ADAMTS9: variants seen among roughly 807,000 people sequenced by gnomAD.
The protein encoded by ADAMTS9 is ADAM metallopeptidase with thrombospondin type 1 motif 9.
A neutral mutation model predicts 257.1 loss-of-function variants in ADAMTS9; 107 were observed. The observed-to-expected ratio is 0.42, with a 90% CI of 0.36 to 0.49. ADAMTS9 has a LOEUF of 0.49. Among genes scored for constraint, ADAMTS9 ranks in the 20% least tolerant of loss-of-function variants. The probability of loss-of-function intolerance (pLI) is 0.03; values close to 1 mark genes in which losing one functional copy is unlikely to be tolerated. For synonymous variants in ADAMTS9, 982 were observed against 880.9 expected, an observed-to-expected ratio of 1.11 and a Z score of -2.03; for missense variants, 2,353 against 2,469.1, an observed-to-expected ratio of 0.95 and a Z score of 1.00.
intron 30 of ADAMTS9, among the ~76,000 whole-genome samples, chr3:64,559,528 C>G (rs1457943781): frequency 6.6e-6 from 1 of 152,216 alleles, no homozygotes; most frequent in Non-Finnish European, 1.5e-5. Flanking sequence ...AGTCTTTTCT[C>G]TTTGTGAGAA....
At position 64,633,568 on chromosome 3, in the gene ADAMTS9, T is replaced by C. The variant is rs763281887; in HGVS notation, c.2079A>G (p.Ala693=). The change falls in exon 14 of 40, where the codon GCA becomes GCG. Residue 693 remains alanine (A), a synonymous_variant. Coordinates refer to ENST00000498707, the MANE Select transcript of ADAMTS9 (RefSeq NM_182920.2). ...KDRCKLFCRV[A]GNTAYYQLRD... Reference sequence around the variant, plus strand: ...GAAGCTGATAGTAGGCTGTGTTCCCTGCCACTCTGCAGAACAACTTGCACC... The same window carrying C: ...GAAGCTGATAGTAGGCTGTGTTCCCCGCCACTCTGCAGAACAACTTGCACC... 1 of 1,614,118 alleles carries C rather than the reference T, an allele frequency of 6.2e-7. No homozygotes were observed. The highest frequency in any genetic ancestry group is 1.1e-5 in the South Asian group (1 of 91,086).
At chr3:64,674,147 C>G (rs955478336) in intron 3 of ADAMTS9, among the ~76,000 whole-genome samples, 12 of 151,140 alleles carry the variant, frequency 7.9e-5, no homozygotes, top group African/African-American at 2.9e-4. Flanking sequence ...TTCAGTAGAT[C>G]AAGTTGAAGA....
At chr3:64,599,501 C>T (rs541887100) in intron 26 of ADAMTS9, among the ~76,000 whole-genome samples, 1 of 152,158 alleles carries the variant, frequency 6.6e-6, no homozygotes, top group Non-Finnish European at 1.5e-5. Flanking sequence ...CATCCTTTTC[C>T]TTACATCTGG....
intron 8 of ADAMTS9, among the ~76,000 whole-genome samples, chr3:64,652,103 C>T (rs954355842): frequency 5.3e-5 from 8 of 152,206 alleles, no homozygotes; most frequent in African/African-American, 1.9e-4. Flanking sequence ...GTCACCTTCC[C>T]TCTCTCTGGA....
intron 12 of ADAMTS9, among the ~76,000 whole-genome samples, chr3:64,636,996 C>T (rs1391870693): frequency 6.6e-6 from 1 of 152,192 alleles, no homozygotes; most frequent in African/African-American, 2.4e-5. Flanking sequence ...CAAGACCTGG[C>T]CTCTCTTCCA....
intron 38 of ADAMTS9, among the ~76,000 whole-genome samples, chr3:64,529,836 T>C (rs921443956): frequency 3.9e-5 from 6 of 152,098 alleles, no homozygotes; most frequent in African/African-American, 1.2e-4. Flanking sequence ...TTGTTTTGTT[T>C]TGAGATGGGT....
At chr3:64,641,306 GT>G (rs528664910) in intron 12 of ADAMTS9, among the ~76,000 whole-genome samples, 3 of 143,326 alleles carry the variant, frequency 2.1e-5, no homozygotes, top group Admixed American at 6.9e-5. Context: ...CTTTTTTGTT[GT>G]TTTTTTATTT....
intron 27 of ADAMTS9, 64 bp from the exon 28 acceptor site, chr3:64,594,498 C>T: frequency 1.3e-6 from 2 of 1,573,988 alleles, no homozygotes; most frequent in Non-Finnish European, 1.7e-6. Context: ...AATTTCCTTT[C>T]TCCCTAATTT....
At position 64,687,037 on chromosome 3, in the gene ADAMTS9, G is replaced by C; in HGVS notation, c.116-69C>G. The stretch of plus-strand genomic sequence containing the variant: ...CCTTAAGCTTTAATTTAAAACGAAG[G>C]TGGGGACTTTGTTCTGACCTTATTT... On this transcript the variant is annotated intron_variant, in intron 1 of 39. Coordinates refer to ENST00000498707, the MANE Select transcript of ADAMTS9 (RefSeq NM_182920.2). The surrounding 1 kb of genome is among the most constrained non-coding windows in gnomAD (Gnocchi z 4.4). 1 of 1,531,242 alleles carries C rather than the reference G, an allele frequency of 6.5e-7. No homozygotes were observed. The allele number at this position is 1,531,242 out of a possible 1,614,324, so 94.9% of individuals were successfully genotyped here. A position where few individuals can be genotyped will look rare whatever the true frequency, so the allele number is the denominator to read the frequency against.
intron 28 of ADAMTS9, among the ~76,000 whole-genome samples, chr3:64,570,695 CAAAAAAAAAAAAA>C (rs143048322): frequency 1.5e-4 from 7 of 47,072 alleles, no homozygotes; most frequent in African/African-American, 4.7e-4. Flanking sequence ...GACTCCGTCT[CAAAAAAAAAAAAA>C]AAAAAAAAAA....
intron 30 of ADAMTS9, among the ~76,000 whole-genome samples, chr3:64,556,515 TCTCA>T (rs1316186849): frequency 6.6e-6 from 1 of 152,074 alleles, no homozygotes; most frequent in African/African-American, 2.4e-5. Context: ...AGAGATGGAG[TCTCA>T]CTATGTTGCC....
intron 10 of ADAMTS9, among the ~76,000 whole-genome samples, chr3:64,649,362 AG>A (rs1198596198): frequency 6.6e-6 from 1 of 152,176 alleles, no homozygotes; most frequent in African/African-American, 2.4e-5. Context: ...GCTGCCTCTG[AG>A]CCTCACTTTC....
chr3:64,568,791 A>T, intron 28 of ADAMTS9: 1 of 371,744 alleles, frequency 2.7e-6, no homozygotes, highest in Non-Finnish European at 4.8e-6. Context: ...AAATCCTGAG[A>T]ATTGGAGCCA....
At chr3:64,519,121 G>T (rs1412962313) in intron 39 of ADAMTS9, among the ~76,000 whole-genome samples, 1 of 152,080 alleles carries the variant, frequency 6.6e-6, no homozygotes, top group Non-Finnish European at 1.5e-5. Flanking sequence ...GTGGGCCTCA[G>T]CTTCCTCATA....
chr3:64,539,560 G>A (rs2083094865), intron 36 of ADAMTS9, among the ~76,000 whole-genome samples: 1 of 152,170 alleles, frequency 6.6e-6, no homozygotes, highest in African/African-American at 2.4e-5. Flanking sequence ...AAGCCAAAAA[G>A]GGGGTTTCAA....
intron 18 of ADAMTS9, 91 bp downstream of exon 18, chr3:64,622,107 G>T: frequency 7.5e-7 from 1 of 1,332,164 alleles, no homozygotes; most frequent in Non-Finnish European, 1.0e-6. Context: ...AGAAGGGTTT[G>T]CAGTTTGCAT....
chr3:64,608,165 C>T (rs1205791522), intron 22 of ADAMTS9, among the ~76,000 whole-genome samples: 1 of 124,272 alleles, frequency 8.0e-6, no homozygotes, highest in South Asian at 2.9e-4. Context: ...AACACCTACA[C>T]TAATAAAGAA....
chr3:64,658,937 A>T (rs1701155952), intron 3 of ADAMTS9, 146 bp from the exon 4 acceptor site: 10 of 788,970 alleles, frequency 1.3e-5, no homozygotes, highest in Non-Finnish European at 1.8e-5. Context: ...GATGCACCTC[A>T]ATCCGTACTC....
At chr3:64,666,148 G>A (rs1386726069) in intron 3 of ADAMTS9, among the ~76,000 whole-genome samples, 1 of 152,122 alleles carries the variant, frequency 6.6e-6, no homozygotes, top group Non-Finnish European at 1.5e-5. Flanking sequence ...TGGTAAAAAT[G>A]TTTTAAATGA....
Sources: gnomAD v4.1 joint callset for allele counts (sites outside exome capture counted in the v4.1 genomes callset) on GRCh38, gnomAD v4.1.1 for gene constraint, Gnocchi (gnomAD v3.1) non-coding constraint, MANE v1.5 for transcripts, NCBI Gene and HGNC (gene_info 2026-07-23, HGNC 2026-07-21) for gene names.